The following ARB2A variants were observed in gnomAD, a reference collection of about 807,000 sequenced individuals.
ARB2A encodes cotranscriptional regulator ARB2A.
At chr5:94,095,835 C>T in the ARB2A span, among the ~76,000 whole-genome samples, 83 of 152,172 alleles carry the variant, frequency 5.5e-4, no homozygotes, top group African/African-American at 2.0e-3. Context: ...ATTACTGATT[C>T]GAATAACTGA....
the ARB2A span, among the ~76,000 whole-genome samples, chr5:93,668,593 C>G: frequency 5.9e-5 from 9 of 152,200 alleles, no homozygotes; most frequent in East Asian, 1.7e-3. Context: ...AGACAAAGAA[C>G]AAAATGCAAA....
At chr5:94,059,881 T>C in the ARB2A span, among the ~76,000 whole-genome samples, 1 of 152,066 alleles carries the variant, frequency 6.6e-6, no homozygotes, top group East Asian at 1.9e-4. Context: ...AAGAAAATGG[T>C]AAGAAAAGTT....
At chr5:93,659,221 T>C in the ARB2A span, among the ~76,000 whole-genome samples, 6 of 151,816 alleles carry the variant, frequency 4.0e-5, no homozygotes, top group Non-Finnish European at 4.4e-5. Flanking sequence ...GTTAAACATG[T>C]TATATTAAAA....
At chr5:93,807,371 A>G in the ARB2A span, among the ~76,000 whole-genome samples, 1 of 151,952 alleles carries the variant, frequency 6.6e-6, no homozygotes, top group East Asian at 1.9e-4. Flanking sequence ...TACGAAATAT[A>G]TTTCACCTAT....
At chr5:93,888,905 C>T in the ARB2A span, among the ~76,000 whole-genome samples, 42 of 151,514 alleles carry the variant, frequency 2.8e-4, no homozygotes, top group Non-Finnish European at 1.2e-4. Context: ...CATTAAATAC[C>T]GATTTCATAC....
the ARB2A span, among the ~76,000 whole-genome samples, chr5:93,676,966 A>C: frequency 6.6e-6 from 1 of 152,138 alleles, no homozygotes; most frequent in South Asian, 2.1e-4. Context: ...TCCTTCTGTA[A>C]CCTCAATAGG....
At chr5:94,109,905 G>A in the ARB2A span, among the ~76,000 whole-genome samples, 2 of 119,940 alleles carry the variant, frequency 1.7e-5, no homozygotes, top group South Asian at 2.8e-4. Flanking sequence ...TTTTTCTGGA[G>A]ACGGAGTCTC....
the ARB2A span, among the ~76,000 whole-genome samples, chr5:93,910,095 A>G: frequency 6.6e-6 from 1 of 151,086 alleles, no homozygotes; most frequent in Non-Finnish European, 1.5e-5. Flanking sequence ...ATATATATAT[A>G]TCACTGACTT....
At chr5:94,108,803 T>C in the ARB2A span, among the ~76,000 whole-genome samples, 1 of 152,148 alleles carries the variant, frequency 6.6e-6, no homozygotes, top group African/African-American at 2.4e-5. Context: ...GCATTGCTGG[T>C]GGGAATGTAA....
the ARB2A span, among the ~76,000 whole-genome samples, chr5:93,770,784 C>A: frequency 3.3e-5 from 5 of 152,136 alleles, no homozygotes; most frequent in African/African-American, 4.8e-5. Flanking sequence ...CTACAAAACA[C>A]TGCTCAATGA....
At chr5:94,048,982 T>C in the ARB2A span, among the ~76,000 whole-genome samples, 1 of 152,216 alleles carries the variant, frequency 6.6e-6, no homozygotes, top group Non-Finnish European at 1.5e-5. Context: ...ATACTTATGT[T>C]ACCATATATT....
At chr5:93,826,956 T>C in the ARB2A span, among the ~76,000 whole-genome samples, 2 of 152,106 alleles carry the variant, frequency 1.3e-5, no homozygotes, top group Non-Finnish European at 2.9e-5. Flanking sequence ...TAGTATTCCA[T>C]GGTGTATATG....
the ARB2A span, among the ~76,000 whole-genome samples, chr5:93,819,001 C>A: frequency 6.6e-6 from 1 of 151,628 alleles, no homozygotes; most frequent in African/African-American, 2.4e-5. Context: ...TCCTGGCTAA[C>A]ACGGTGAAAC....
chr5:93,790,346 C>G, the ARB2A span, among the ~76,000 whole-genome samples: 7 of 152,146 alleles, frequency 4.6e-5, no homozygotes, highest in Non-Finnish European at 8.8e-5. Flanking sequence ...CTCACTCATA[C>G]AGAGGAAGCT....
At chr5:93,799,934 AT>A in the ARB2A span, among the ~76,000 whole-genome samples, 4 of 152,154 alleles carry the variant, frequency 2.6e-5, no homozygotes, top group East Asian at 5.8e-4. Flanking sequence ...CTTGGGATAT[AT>A]TTTTTCCAGG....
the ARB2A span, among the ~76,000 whole-genome samples, chr5:93,786,593 G>C: frequency 6.6e-6 from 1 of 152,180 alleles, no homozygotes; most frequent in Non-Finnish European, 1.5e-5. Context: ...ATATTTGACT[G>C]TTTAGGATTA....
At chr5:93,869,377 C>CA in the ARB2A span, among the ~76,000 whole-genome samples, 4 of 152,144 alleles carry the variant, frequency 2.6e-5, no homozygotes, top group Non-Finnish European at 4.4e-5. Context: ...TTATCTTAGA[C>CA]AAAAAATGTT....
chr5:93,761,247 G>C, the ARB2A span, among the ~76,000 whole-genome samples: 1 of 152,122 alleles, frequency 6.6e-6, no homozygotes. Flanking sequence ...GTGAGCCAAA[G>C]CAGGGTGAGG....
At chr5:93,990,032 A>G in the ARB2A span, among the ~76,000 whole-genome samples, 7 of 152,190 alleles carry the variant, frequency 4.6e-5, no homozygotes, top group African/African-American at 1.7e-4. Flanking sequence ...CACACATCTA[A>G]GGTAGACCAA....
Sources: gnomAD v4.1 joint callset for allele counts (sites outside exome capture counted in the v4.1 genomes callset) on GRCh38, gnomAD v4.1.1 for gene constraint, MANE v1.5 for transcripts, NCBI Gene and HGNC (gene_info 2026-07-23, HGNC 2026-07-21) for gene names.